The following DMKN variants were observed in gnomAD, a reference collection of about 807,000 sequenced individuals.
DMKN encodes the protein dermokine, also known as epidermis-specific secreted protein SK30/SK89.
A neutral mutation model predicts 67.6 loss-of-function variants in DMKN; 58 were observed. That is an observed-to-expected ratio of 0.86 (90% CI 0.69 to 1.07). DMKN has a LOEUF of 1.07. Among genes scored for constraint, DMKN ranks in the 50% least tolerant of loss-of-function variants. DMKN has a pLI of 0.00. For synonymous variants in DMKN, 240 were observed against 232.3 expected (o/e 1.03, Z -0.30); for missense variants, 596 against 601.5 (o/e 0.99, Z 0.10).
At chr19:35,506,019 G>C in intron 7 of DMKN, 33 bp from the exon 8 acceptor site, 1 of 1,614,114 alleles carries the variant, frequency 6.2e-7, no homozygotes, top group East Asian at 2.2e-5. Flanking sequence ...GATGAGAGAA[G>C]AACCCACTTT....
chr19:35,507,443 T>G, intron 7 of DMKN: 1 of 1,550,088 alleles, frequency 6.5e-7, no homozygotes, highest in Non-Finnish European at 8.7e-7. Flanking sequence ...CAACCCTGCC[T>G]GCCCCTAGGC....
At position 35,511,831 on chromosome 19, in the gene DMKN, TGGTGAGTTTGGGGAC is replaced by T. The variant is rs751099652; in HGVS notation, c.685-33_685-19del. The T allele has an allele frequency of 5.0e-6, 8 of 1,609,262 alleles. No individual in the cohort carries two copies. The East Asian group carries it at 1.3e-4, about 27-fold the overall frequency. On this transcript the variant is annotated intron_variant, in intron 3 of 15. Coordinates refer to ENST00000339686, the MANE Select transcript of DMKN (RefSeq NM_033317.5). ...TTCGTGCACTGTCGAGGGAAAGGGA[TGGTGAGTTTGGGGAC>T]GGTGAGTTTGGAGACGTTGGCCTCG... is the stretch of plus-strand genomic sequence containing the variant.
chr19:35,503,209 T>C, intron 9 of DMKN: 1 of 1,436,666 alleles, frequency 7.0e-7, no homozygotes, highest in Non-Finnish European at 9.1e-7. Flanking sequence ...CCGGGCCTCC[T>C]CCAGCCCGTT....
intron 7 of DMKN, chr19:35,509,667 C>A: frequency 2.0e-6 from 1 of 490,548 alleles, no homozygotes; most frequent in Non-Finnish European, 3.6e-6. Flanking sequence ...GACCGGTTTA[C>A]ATGGAATTTC....
At chr19:35,501,119 C>A (rs914111335) in intron 11 of DMKN, among the ~76,000 whole-genome samples, 5 of 152,162 alleles carry the variant, frequency 3.3e-5, no homozygotes, top group Admixed American at 1.3e-4. Flanking sequence ...CCGGACACCC[C>A]CCCCAGCCCC....
At chr19:35,500,378 C>T (rs1196742954) in intron 12 of DMKN, 155 bp downstream of exon 12, 1 of 1,551,774 alleles carries the variant, frequency 6.4e-7, no homozygotes. Context: ...GATGTCTCAC[C>T]TTGGAAGTTA....
intron 10 of DMKN, 112 bp from the exon 11 acceptor site, chr19:35,502,295 G>T (rs1023666161): frequency 1.7e-5 from 18 of 1,045,798 alleles, no homozygotes; most frequent in Middle Eastern, 2.7e-4. Flanking sequence ...TTTGGGTGTG[G>T]CTTGGGGTTG....
At chr19:35,502,206 G>T in intron 10 of DMKN, 23 bp from the exon 11 acceptor site, 1 of 1,614,082 alleles carries the variant, frequency 6.2e-7, no homozygotes, top group Non-Finnish European at 8.5e-7. Flanking sequence ...GGAGGGCAGA[G>T]TGGGCCGGGG....
rs2071010896 is a variant in DMKN at position 35,512,470 on chromosome 19, ACAGCTCCCTG to A, written c.628-3_634del. 6.2e-7 allele frequency: 1 copy of A among 1,613,982 alleles called. No individual in the cohort carries two copies. Among genetic ancestry groups the A allele is most frequent in the Non-Finnish European group, 8.5e-7 (1 of 1,180,028 alleles). ...CACTGAACCATAGCCAGGCTGGGCC[ACAGCTCCCTG>A]CAGAGAGGGTGAGACTGAGAGTAGG... On this transcript the variant is annotated splice_acceptor_variant and splice_polypyrimidine_tract_variant and coding_sequence_variant and intron_variant, in exon 3 of 16. Coordinates refer to ENST00000339686, the MANE Select transcript of DMKN (RefSeq NM_033317.5). LOFTEE classifies it high-confidence loss of function.
chr19:35,506,779 C>A (rs555589659), intron 7 of DMKN: 2 of 270,174 alleles, frequency 7.4e-6, no homozygotes, highest in East Asian at 1.0e-4. Context: ...TTTGAGAGGC[C>A]GAGGTGGGTG....
Position 35,509,331 on chromosome 19 carries a change from A to G in DMKN, c.1038+580T>C, listed in dbSNP as rs184005851. ...GTTAGTATCCCTCATAGATTATCTAAAAAGAGATGTCTCTACTCAGCCCCA... is the reference window on the plus strand; with the variant it reads ...GTTAGTATCCCTCATAGATTATCTAGAAAGAGATGTCTCTACTCAGCCCCA... On this transcript the variant is annotated intron_variant, in intron 7 of 15. Transcript: ENST00000339686. 4.9e-4 allele frequency among the ~76,000 whole-genome samples: 74 copies of G among 152,292 alleles called. 1 individual carries two copies. The highest frequency in any genetic ancestry group is 3.4e-3 in the Middle Eastern group (1 of 294).
At position 35,513,081 on chromosome 19, in the gene DMKN, C is replaced by T. The variant is rs1441526773; in HGVS notation, c.395G>A (p.Trp132Ter). The change falls in exon 1 of 16, where the codon TGG (tryptophan) becomes TAG (stop). Residue 132 changes from tryptophan to a stop codon, truncating the protein, a stop_gained. Transcript: ENST00000339686. LOFTEE classifies it high-confidence loss of function. ...RHGADAVRGS[W>*]QGVPGHNGAW... ...ACCATTGTGGCCAGGCACCCCCTGC[C>T]AGGAGCCGCGGACAGCATCTGCTCC... 4.3e-6 allele frequency: 7 copies of T among 1,614,012 alleles called. No homozygotes were observed. The highest frequency in any genetic ancestry group is 5.9e-6 in the Non-Finnish European group (7 of 1,180,034).
At chr19:35,503,449 T>C (rs955850063) in intron 9 of DMKN, 9 of 1,546,080 alleles carry the variant, frequency 5.8e-6, no homozygotes, top group Non-Finnish European at 7.9e-6. Context: ...TCTCTGGTCC[T>C]GGGCAAAGAA....
rs749001241 is a variant in DMKN at position 35,511,483 on chromosome 19, A to ACTGCTGCTGCCACCACTGCTGCCACTG, written c.845_846insCAGTGGCAGCAGTGGTGGCAGCAGCAG (p.Ser282_Gly283insSerGlySerSerGlyGlySerSerSer). The ACTGCTGCTGCCACCACTGCTGCCACTG allele has an allele frequency of 9.1e-7, 1 of 1,097,746 alleles. No individual in the cohort carries two copies. The highest frequency in any genetic ancestry group is 3.9e-5 in the Admixed American group (1 of 25,352). The allele number at this position is 1,097,746 out of a possible 1,614,324, so 68.0% of individuals were successfully genotyped here. On this transcript the variant is annotated inframe_insertion, in exon 5 of 16. Coordinates refer to ENST00000339686, the MANE Select transcript of DMKN (RefSeq NM_033317.5). ...CACTGCTGCCACCACTGCTGCCGCCACTGCTGCCGCCACTGCTGCTGCCAC... is the reference window on the plus strand; with the variant it reads ...CACTGCTGCCACCACTGCTGCCGCCACTGCTGCTGCCACCACTGCTGCCACTGCTGCTGCCGCCACTGCTGCTGCCAC...
intron 3 of DMKN, 94 bp from the exon 4 acceptor site, chr19:35,511,907 G>A (rs932621675): frequency 3.6e-6 from 5 of 1,390,928 alleles, no homozygotes; most frequent in Non-Finnish European, 4.8e-6. Context: ...CCATTCTTTG[G>A]GGCTTGGCTT....
At chr19:35,511,622 G>A in intron 4 of DMKN, 29 bp from the exon 5 acceptor site, 1 of 1,607,278 alleles carries the variant, frequency 6.2e-7, no homozygotes. Context: ...GCAGGGCTGG[G>A]ATTAAAGACA....
chr19:35,509,639 C>T, intron 7 of DMKN: 1 of 445,298 alleles, frequency 2.2e-6, no homozygotes. Flanking sequence ...ACATTTAAGA[C>T]AATTGTGCTT....
intron 12 of DMKN, 69 bp downstream of exon 12, chr19:35,500,464 G>T (rs756815555): frequency 1.3e-6 from 2 of 1,569,184 alleles, no homozygotes; most frequent in East Asian, 4.7e-5. Context: ...ATTTCAGATT[G>T]CCCAGACCCG....
intron 7 of DMKN, chr19:35,507,435 A>G (rs906567584): frequency 6.5e-7 from 1 of 1,548,448 alleles, no homozygotes; most frequent in Non-Finnish European, 8.7e-7. Flanking sequence ...CCTAAAGCCA[A>G]CCCTGCCTGC....
Sources: allele counts gnomAD v4.1 joint callset (sites outside exome capture counted in the v4.1 genomes callset), GRCh38; gene constraint gnomAD v4.1.1; transcripts MANE v1.5; gene names NCBI Gene and HGNC (gene_info 2026-07-23, HGNC 2026-07-21).